The following SUPT3H variants were observed in gnomAD, a reference collection of about 807,000 sequenced individuals.
SUPT3H encodes the protein transcription initiation protein SPT3 homolog.
In SUPT3H, 44 loss-of-function variants were observed where a neutral mutation model predicts 44.3. That is an observed-to-expected ratio of 0.99 (90% CI 0.78 to 1.28). The LOEUF (loss-of-function observed/expected upper bound fraction) is 1.28. Ranked by LOEUF, SUPT3H falls within the 50% of genes most tolerant of loss-of-function variation. The pLI, the probability that SUPT3H is intolerant of heterozygous loss-of-function variation, is 0.00. For synonymous variants in SUPT3H, 124 were observed against 125.6 expected, an observed-to-expected ratio of 0.99 and a Z score of 0.09; for missense variants, 380 against 387.1, an observed-to-expected ratio of 0.98 and a Z score of 0.15.
At chr6:45,269,799 T>G (rs567932143) in intron 2 of SUPT3H, among the ~76,000 whole-genome samples, 6 of 152,280 alleles carry the variant, frequency 3.9e-5, no homozygotes, top group African/African-American at 1.4e-4. Context: ...TACCATAAAA[T>G]CCATCCACTG....
At chr6:44,834,917 G>A (rs1039571489) in intron 10 of SUPT3H, among the ~76,000 whole-genome samples, 12 of 152,078 alleles carry the variant, frequency 7.9e-5, no homozygotes, top group South Asian at 2.1e-4. Flanking sequence ...AATTATGTCC[G>A]AAACAATATA....
intron 11 of SUPT3H, among the ~76,000 whole-genome samples, chr6:44,821,460 C>A (rs913486124): frequency 6.6e-6 from 1 of 152,106 alleles, no homozygotes; most frequent in Non-Finnish European, 1.5e-5. Flanking sequence ...TACTACTACC[C>A]CCCTCTCTGA....
intron 10 of SUPT3H, among the ~76,000 whole-genome samples, chr6:44,863,762 C>T (rs1205010646): frequency 7.2e-6 from 1 of 139,626 alleles, no homozygotes; most frequent in South Asian, 2.3e-4. Context: ...AATGGACTCA[C>T]AGTTCCACGT....
At chr6:45,223,365 A>C (rs1467453805) in intron 2 of SUPT3H, among the ~76,000 whole-genome samples, 5 of 152,118 alleles carry the variant, frequency 3.3e-5, no homozygotes, top group Admixed American at 3.3e-4. Context: ...ATCTACAATT[A>C]TCTCAAAATA....
intron 3 of SUPT3H, among the ~76,000 whole-genome samples, chr6:45,060,492 A>T (rs915981308): frequency 6.6e-6 from 1 of 152,146 alleles, no homozygotes; most frequent in Admixed American, 6.6e-5. Flanking sequence ...AAACTATACT[A>T]GATGAAAATC....
At chr6:44,938,655 G>A (rs906750700) in intron 9 of SUPT3H, among the ~76,000 whole-genome samples, 2 of 152,068 alleles carry the variant, frequency 1.3e-5, no homozygotes, top group East Asian at 3.9e-4. Flanking sequence ...TCTGTACAAT[G>A]CTTTGGGCAG....
At chr6:45,182,738 T>G (rs1813511248) in intron 2 of SUPT3H, among the ~76,000 whole-genome samples, 1 of 152,204 alleles carries the variant, frequency 6.6e-6, no homozygotes, top group Non-Finnish European at 1.5e-5. Flanking sequence ...GACTTATCGT[T>G]ACTTTGAACA....
intron 2 of SUPT3H, among the ~76,000 whole-genome samples, chr6:45,123,350 A>G (rs1406752271): frequency 6.6e-6 from 1 of 151,824 alleles, no homozygotes; most frequent in Non-Finnish European, 1.5e-5. Flanking sequence ...TTTAAGTGTG[A>G]ATTTTAAATT....
At chr6:45,027,135 G>A (rs1039978977) in intron 3 of SUPT3H, among the ~76,000 whole-genome samples, 4 of 151,942 alleles carry the variant, frequency 2.6e-5, no homozygotes, top group South Asian at 2.1e-4. Flanking sequence ...GACTATAGGC[G>A]TGCATCATCA....
chr6:45,077,799 C>A (rs1795225124), intron 3 of SUPT3H, among the ~76,000 whole-genome samples: 1 of 151,938 alleles, frequency 6.6e-6, no homozygotes, highest in Non-Finnish European at 1.5e-5. Flanking sequence ...ATAGCCCACA[C>A]CTCAACTTTT....
chr6:45,304,313 A>G (rs1584812755), intron 2 of SUPT3H, among the ~76,000 whole-genome samples: 1 of 152,216 alleles, frequency 6.6e-6, no homozygotes, highest in East Asian at 1.9e-4. Flanking sequence ...TCCAAATTAT[A>G]GAGGTCTAAT....
At chr6:45,022,806 C>T (rs1191601410) in intron 3 of SUPT3H, among the ~76,000 whole-genome samples, 2 of 152,050 alleles carry the variant, frequency 1.3e-5, no homozygotes, top group Non-Finnish European at 2.9e-5. Flanking sequence ...CTACTACCCC[C>T]ATACCAAAAT....
At chr6:45,283,430 G>C (rs1272425894) in intron 2 of SUPT3H, among the ~76,000 whole-genome samples, 11 of 152,076 alleles carry the variant, frequency 7.2e-5, no homozygotes, top group Non-Finnish European at 1.5e-4. Flanking sequence ...GGCAGGGGTT[G>C]CAATCCTAGT....
chr6:45,062,334 C>T (rs1371060949), intron 3 of SUPT3H, among the ~76,000 whole-genome samples: 2 of 151,936 alleles, frequency 1.3e-5, no homozygotes, highest in African/African-American at 4.8e-5. Context: ...GGCATAAATC[C>T]AGAGCATTAT....
intron 9 of SUPT3H, among the ~76,000 whole-genome samples, chr6:44,934,741 A>G (rs1771144911): frequency 6.6e-6 from 1 of 152,190 alleles, no homozygotes; most frequent in South Asian, 2.1e-4. Context: ...GCCATCACAA[A>G]ACACTGAATT....
intron 6 of SUPT3H, among the ~76,000 whole-genome samples, chr6:44,984,129 CT>C (rs1262622216): frequency 6.6e-6 from 1 of 152,082 alleles, no homozygotes; most frequent in African/African-American, 2.4e-5. Context: ...CTAGAAGCCT[CT>C]ATGTGAGAGA....
chr6:45,140,128 C>T (rs1334348584), intron 2 of SUPT3H, among the ~76,000 whole-genome samples: 1 of 152,068 alleles, frequency 6.6e-6, no homozygotes, highest in Non-Finnish European at 1.5e-5. Context: ...CTATATGATA[C>T]AGCAGAAGCA....
intron 2 of SUPT3H, among the ~76,000 whole-genome samples, chr6:45,143,938 A>G (rs113622610): frequency 4.3e-4 from 66 of 152,284 alleles, no homozygotes; most frequent in Middle Eastern, 3.4e-3. Flanking sequence ...ACGAACTAGA[A>G]AATCTAGAGA....
chr6:45,248,564 A>C (rs1771787139), intron 2 of SUPT3H, among the ~76,000 whole-genome samples: 2 of 152,210 alleles, frequency 1.3e-5, no homozygotes. Context: ...AGAATGGCTA[A>C]ATCAAAAAAA....
Sources: gnomAD v4.1 joint callset for allele counts (sites outside exome capture counted in the v4.1 genomes callset) on GRCh38, gnomAD v4.1.1 for gene constraint, MANE v1.5 for transcripts, NCBI Gene and HGNC (gene_info 2026-07-23, HGNC 2026-07-21) for gene names.